MACROD2: variants seen among roughly 807,000 people sequenced by gnomAD.
MACROD2 encodes mono-ADP ribosylhydrolase 2.
In MACROD2, 36 loss-of-function variants were observed where a neutral mutation model predicts 70.4. That is an observed-to-expected ratio of 0.51 (90% CI 0.39 to 0.68). The LOEUF is 0.68. MACROD2 is among the 30% of genes least tolerant of loss of function. The pLI is 0.00. For missense variants in MACROD2, 496 were observed against 538.4 expected (o/e 0.92, Z 0.78); for synonymous variants, 172 against 178.8 (o/e 0.96, Z 0.30).
intron 2 of MACROD2, among the ~76,000 whole-genome samples, chr20:14,059,408 T>C (rs2148654558): frequency 6.6e-6 from 1 of 152,270 alleles, no homozygotes; most frequent in Non-Finnish European, 1.5e-5. Flanking sequence ...AGACCCCTGA[T>C]CTCATCAACT....
rs569904639 is a variant in MACROD2 at position 14,808,191 on chromosome 20, C to T, written c.418+123232C>T. 2.4e-3 allele frequency among the ~76,000 whole-genome samples: 368 copies of T among 152,182 alleles called. 3 individuals carry two copies. The highest frequency in any genetic ancestry group is 8.6e-3 in the African/African-American group (357 of 41,522). ...GTTAAGGGCAGCCAGAGAGAAAGGT[C>T]GGGTTACCCACAAAGGGAAGCCCAT... On this transcript the variant is annotated intron_variant, in intron 5 of 17. Coordinates refer to ENST00000684519, the MANE Select transcript of MACROD2 (RefSeq NM_001351661.2).
At chr20:15,828,924 A>G (rs919003194) in intron 8 of MACROD2, among the ~76,000 whole-genome samples, 5 of 152,208 alleles carry the variant, frequency 3.3e-5, no homozygotes, top group African/African-American at 7.2e-5. Context: ...TGATTGTTCA[A>G]TGGTTTGTAA....
chr20:15,352,482 T>C (rs373355345), intron 6 of MACROD2, among the ~76,000 whole-genome samples: 2 of 152,256 alleles, frequency 1.3e-5, no homozygotes, highest in East Asian at 3.9e-4. Context: ...TAATTTAGAA[T>C]GGGGGATTCT....
chr20:14,221,230 T>G (rs2081670863), intron 3 of MACROD2, among the ~76,000 whole-genome samples: 1 of 152,220 alleles, frequency 6.6e-6, no homozygotes, highest in Non-Finnish European at 1.5e-5. Context: ...GGGGTATGAA[T>G]GGGCTTTGGA....
intron 5 of MACROD2, among the ~76,000 whole-genome samples, chr20:15,169,688 A>G (rs2076409756): frequency 6.6e-6 from 1 of 152,228 alleles, no homozygotes; most frequent in South Asian, 2.1e-4. Flanking sequence ...GTCCTGTTCC[A>G]GTATATCTGT....
chr20:15,730,643 G>T (rs75671026), intron 8 of MACROD2, among the ~76,000 whole-genome samples: 1,817 of 151,976 alleles, frequency 0.012, 26 homozygotes, highest in African/African-American at 0.037. Flanking sequence ...CAACCTCAGA[G>T]AATCTAATGA....
chr20:14,605,870 A>T (rs1982767073), intron 4 of MACROD2, among the ~76,000 whole-genome samples: 1 of 152,180 alleles, frequency 6.6e-6, no homozygotes, highest in African/African-American at 2.4e-5. Context: ...AAGCCAATAG[A>T]GATGTAACAC....
chr20:15,179,962 C>A (rs894183374), intron 5 of MACROD2, among the ~76,000 whole-genome samples: 4 of 152,160 alleles, frequency 2.6e-5, no homozygotes, highest in Non-Finnish European at 5.9e-5. Flanking sequence ...AAAGTGTTGG[C>A]AGGTTTGGCT....
chr20:15,158,358 T>C (rs879909948), intron 5 of MACROD2, among the ~76,000 whole-genome samples: 7 of 152,170 alleles, frequency 4.6e-5, no homozygotes, highest in Non-Finnish European at 8.8e-5. Context: ...GTTTAGAAAA[T>C]GTTTTTGCAT....
rs11467236 is a variant in MACROD2 at position 14,515,465 on chromosome 20, G to GCA, written c.301+21989_301+21990dup. 5.1e-3 allele frequency among the ~76,000 whole-genome samples: 648 copies of GCA among 127,140 alleles called. 6 individuals carry two copies. The highest frequency in any genetic ancestry group is 0.016 in the African/African-American group (521 of 31,928). 83.4% of individuals were successfully genotyped at this position (127,140 alleles called of 152,430 possible). A position where few individuals can be genotyped will look rare whatever the true frequency, so the allele number is the denominator to read the frequency against. ...AAGAATATGTGAGATACACACACAC[G>GCA]CACACACACACACACACACACACAC... On this transcript the variant is annotated intron_variant, in intron 4 of 17. Transcript: ENST00000684519.
intron 5 of MACROD2, among the ~76,000 whole-genome samples, chr20:14,826,746 T>C (rs1045410701): frequency 1.3e-5 from 2 of 152,122 alleles, no homozygotes; most frequent in African/African-American, 4.8e-5. Context: ...TACCCTCCAG[T>C]CGAAGTATTC....
chr20:14,146,135 A>G (rs1479498127), intron 3 of MACROD2, among the ~76,000 whole-genome samples: 1 of 152,138 alleles, frequency 6.6e-6, no homozygotes, highest in Non-Finnish European at 1.5e-5. Context: ...ATCCTGGCTA[A>G]CACGGTGAAA....
At chr20:14,747,972 A>G (rs2071821353) in intron 5 of MACROD2, among the ~76,000 whole-genome samples, 1 of 152,042 alleles carries the variant, frequency 6.6e-6, no homozygotes, top group Non-Finnish European at 1.5e-5. Flanking sequence ...CTCAGGAGGA[A>G]AGGATGCAGT....
intron 3 of MACROD2, among the ~76,000 whole-genome samples, chr20:14,413,048 C>T (rs2083766635): frequency 6.6e-6 from 1 of 152,114 alleles, no homozygotes. Context: ...TGTTACATTA[C>T]CACAAATCTA....
intron 8 of MACROD2, among the ~76,000 whole-genome samples, chr20:15,658,187 A>G (rs2049760662): frequency 2.0e-5 from 3 of 151,658 alleles, no homozygotes; most frequent in Admixed American, 1.3e-4. Flanking sequence ...TTTAAAAAAT[A>G]TAGACAAAAC....
chr20:14,544,399 T>G (rs1195051260), intron 4 of MACROD2, among the ~76,000 whole-genome samples: 2 of 152,140 alleles, frequency 1.3e-5, no homozygotes, highest in African/African-American at 4.8e-5. Flanking sequence ...GTGATCTAGA[T>G]CTCAGCAACT....
chr20:14,957,509 A>G (rs1346691862), intron 5 of MACROD2, among the ~76,000 whole-genome samples: 1 of 152,178 alleles, frequency 6.6e-6, no homozygotes, highest in Non-Finnish European at 1.5e-5. Flanking sequence ...CACCAGCCAC[A>G]GCCCATTCCA....
intron 4 of MACROD2, among the ~76,000 whole-genome samples, chr20:14,519,675 A>C (rs959400643): frequency 6.6e-6 from 1 of 152,184 alleles, no homozygotes; most frequent in African/African-American, 2.4e-5. Flanking sequence ...CAAAGAGCTA[A>C]AAACAGAATT....
At chr20:15,028,810 G>A (rs1193051726) in intron 5 of MACROD2, among the ~76,000 whole-genome samples, 1 of 152,142 alleles carries the variant, frequency 6.6e-6, no homozygotes, top group African/African-American at 2.4e-5. Flanking sequence ...AAAGAGCATG[G>A]CATTTAGAAT....
Sources: allele counts gnomAD v4.1 joint callset (sites outside exome capture counted in the v4.1 genomes callset), GRCh38; gene constraint gnomAD v4.1.1; transcripts MANE v1.5; gene names NCBI Gene and HGNC (gene_info 2026-07-23, HGNC 2026-07-21).